SEC14L1: variants seen among roughly 807,000 people sequenced by gnomAD.
SEC14L1 encodes the protein SEC14 like lipid binding 1, also known as SEC14-like protein 1.
A neutral mutation model predicts 85.3 loss-of-function variants in SEC14L1; 48 were observed. The ratio of observed to expected loss-of-function variants is 0.56; its 90% confidence interval spans 0.45 to 0.72. SEC14L1 has a LOEUF of 0.72. Ranked by LOEUF, SEC14L1 falls within the 30% of genes least tolerant of loss-of-function variation. SEC14L1 has a pLI of 0.00. For synonymous variants in SEC14L1, 391 were observed against 355.5 expected, an observed-to-expected ratio of 1.10 and a Z score of -1.12; for missense variants, 682 against 921.4, an observed-to-expected ratio of 0.74 and a Z score of 3.36.
At chr17:77,132,196 T>C (rs900616521) in intron 3 of SEC14L1, among the ~76,000 whole-genome samples, 1 of 152,146 alleles carries the variant, frequency 6.6e-6, no homozygotes, top group African/African-American at 2.4e-5. Flanking sequence ...AAGTGGTCTC[T>C]TCCTTTATTA....
chr17:77,189,923 C>T (rs1248086147), intron 3 of SEC14L1, among the ~76,000 whole-genome samples: 2 of 152,180 alleles, frequency 1.3e-5, no homozygotes, highest in Non-Finnish European at 2.9e-5. Flanking sequence ...CCACCGCGCC[C>T]GGCCTTAACA....
chr17:77,104,747 C>T (rs1169678837), intron 3 of SEC14L1, among the ~76,000 whole-genome samples: 48 of 147,250 alleles, frequency 3.3e-4, no homozygotes, highest in African/African-American at 1.1e-3. Flanking sequence ...GCCGAGATTG[C>T]GCCACTGCAC....
At chr17:77,178,854 T>G (rs143032596) in intron 3 of SEC14L1, among the ~76,000 whole-genome samples, 405 of 152,312 alleles carry the variant, frequency 2.7e-3, no homozygotes, top group Admixed American at 5.0e-3. Flanking sequence ...GGGGACTCTC[T>G]GTGTGTTAAA....
At chr17:77,139,079 A>G (rs1274517207), upstream of SEC14L1, among the ~76,000 whole-genome samples, 1 of 151,446 alleles carries the variant, frequency 6.6e-6, no homozygotes, top group Non-Finnish European at 1.5e-5. Flanking sequence ...ATTGTTTTTC[A>G]TGGTGTCATT....
chr17:77,167,914 G>T (rs540738188), intron 3 of SEC14L1, among the ~76,000 whole-genome samples: 2 of 152,350 alleles, frequency 1.3e-5, no homozygotes, highest in African/African-American at 4.8e-5. Flanking sequence ...CTGCAGAAAG[G>T]TGCTGCCTGT....
At position 77,206,509 on chromosome 17, in the gene SEC14L1, AC is replaced by A. The variant is rs1976470618; in HGVS notation, c.1341+110del. The stretch of plus-strand genomic sequence containing the variant: ...AAGTCTTAACTTCTTAGGAAAAAAA[AC>A]AATAACATGCAAAGATATAAAATTT... On this transcript the variant is annotated intron_variant, in intron 12 of 16. Coordinates refer to ENST00000436233, the MANE Select transcript of SEC14L1 (RefSeq NM_001143998.2). The surrounding 1 kb of genome is among the most constrained non-coding windows in gnomAD (Gnocchi z 4.3). 2 of 1,357,774 alleles carry A rather than the reference AC, an allele frequency of 1.5e-6. No individual in the cohort carries two copies. Among genetic ancestry groups the A allele is most frequent in the African/African-American group, 1.5e-5 (1 of 68,412 alleles). 84.1% of individuals were successfully genotyped at this position (1,357,774 alleles called of 1,614,324 possible).
intron 3 of SEC14L1, among the ~76,000 whole-genome samples, chr17:77,104,088 G>A (rs1271606014): frequency 2.6e-5 from 4 of 151,172 alleles, no homozygotes; most frequent in Non-Finnish European, 4.4e-5. Context: ...TCAAAGCAGA[G>A]ACCGTATCCA....
chr17:77,146,022 A>C (rs546772722), intron 3 of SEC14L1, among the ~76,000 whole-genome samples: 3 of 152,290 alleles, frequency 2.0e-5, no homozygotes, highest in African/African-American at 7.2e-5. Context: ...TTCCTGTCAC[A>C]TTTCATAGTT....
At chr17:77,168,143 G>A (rs370478086) in intron 3 of SEC14L1, among the ~76,000 whole-genome samples, 12 of 152,224 alleles carry the variant, frequency 7.9e-5, no homozygotes, top group South Asian at 4.2e-4. Context: ...GGGGCATGTC[G>A]GGCCACAAGC....
At chr17:77,101,955 G>A (rs1250898749) in intron 3 of SEC14L1, among the ~76,000 whole-genome samples, 1 of 152,048 alleles carries the variant, frequency 6.6e-6, no homozygotes, top group African/African-American at 2.4e-5. Flanking sequence ...GTTCTCTGAG[G>A]TCTCTTATTT....
intron 3 of SEC14L1, among the ~76,000 whole-genome samples, chr17:77,189,597 G>C (rs1033759111): frequency 1.3e-5 from 2 of 152,030 alleles, no homozygotes; most frequent in South Asian, 2.1e-4. Context: ...CTCCCATTTT[G>C]TAGTTTGTTT....
At chr17:77,143,477 G>A (rs766187120) in intron 2 of SEC14L1, 90 bp from the exon 3 acceptor site, 14 of 685,596 alleles carry the variant, frequency 2.0e-5, no homozygotes, top group Admixed American at 2.8e-5. Flanking sequence ...TCTTTCTGTC[G>A]TTAGAGTGTG....
chr17:77,096,302 G>A (rs1465113227), intron 3 of SEC14L1, among the ~76,000 whole-genome samples: 2 of 151,626 alleles, frequency 1.3e-5, no homozygotes, highest in Non-Finnish European at 2.9e-5. Context: ...GCTCAAACCT[G>A]TAATCCCAGC....
intron 3 of SEC14L1, among the ~76,000 whole-genome samples, chr17:77,127,014 ATTTC>A (rs1422154522): frequency 9.4e-6 from 1 of 106,336 alleles, no homozygotes; most frequent in Non-Finnish European, 2.1e-5. Context: ...TTTTCTCTTT[ATTTC>A]TTCTTTTAAA....
intron 11 of SEC14L1, among the ~76,000 whole-genome samples, chr17:77,205,832 T>C (rs1353808499): frequency 6.6e-5 from 10 of 152,194 alleles, no homozygotes; most frequent in Non-Finnish European, 1.5e-4. Context: ...CCTCTCTCTC[T>C]GTTGAAGCAT....
chr17:77,169,911 G>A (rs893993315), intron 3 of SEC14L1, among the ~76,000 whole-genome samples: 11 of 152,158 alleles, frequency 7.2e-5, no homozygotes, highest in African/African-American at 2.4e-4. Context: ...CTTTAGATAG[G>A]TACAACCTAT....
intron 3 of SEC14L1, among the ~76,000 whole-genome samples, chr17:77,180,641 G>A (rs1044736087): frequency 6.6e-6 from 1 of 152,160 alleles, no homozygotes; most frequent in Non-Finnish European, 1.5e-5. Context: ...GACTTTGGTT[G>A]AGGTGTGGCA....
chr17:77,170,366 A>G (rs950492738), intron 3 of SEC14L1, among the ~76,000 whole-genome samples: 2 of 152,082 alleles, frequency 1.3e-5, no homozygotes, highest in African/African-American at 4.8e-5. Flanking sequence ...AGTTTTTAGA[A>G]GTACTAAATA....
At chr17:77,146,522 C>T (rs918060704) in intron 3 of SEC14L1, among the ~76,000 whole-genome samples, 1 of 152,112 alleles carries the variant, frequency 6.6e-6, no homozygotes, top group Non-Finnish European at 1.5e-5. Context: ...TGAGCTGCCA[C>T]CAAGTTTTTA....
Sources: allele counts gnomAD v4.1 joint callset (sites outside exome capture counted in the v4.1 genomes callset), GRCh38; gene constraint gnomAD v4.1.1; non-coding constraint Gnocchi (gnomAD v3.1); transcripts MANE v1.5; gene names NCBI Gene and HGNC (gene_info 2026-07-23, HGNC 2026-07-21).